TLL1: variants seen among roughly 807,000 people sequenced by gnomAD.
The protein encoded by TLL1 is tolloid-like protein 1.
A neutral mutation model predicts 128.2 loss-of-function variants in TLL1; 49 were observed. The observed-to-expected ratio is 0.38, with a 90% CI of 0.30 to 0.48. The LOEUF (loss-of-function observed/expected upper bound fraction) is 0.48. TLL1 is among the 20% of genes least tolerant of loss of function. The probability of loss-of-function intolerance (pLI) is 0.96; values close to 1 mark genes in which losing one functional copy is unlikely to be tolerated. For missense variants in TLL1, 1,123 were observed against 1,242.0 expected (o/e 0.90, Z 1.44); for synonymous variants, 454 against 418.8 (o/e 1.08, Z -1.03).
intron 10 of TLL1, among the ~76,000 whole-genome samples, chr4:166,039,820 T>G (rs1424722781): frequency 6.6e-6 from 1 of 152,204 alleles, no homozygotes; most frequent in Non-Finnish European, 1.5e-5. Context: ...TTGTGTGTTT[T>G]GTTTTTGTTT....
intron 12 of TLL1, among the ~76,000 whole-genome samples, chr4:166,052,564 G>A (rs919191662): frequency 3.3e-5 from 5 of 152,024 alleles, no homozygotes; most frequent in African/African-American, 1.2e-4. Flanking sequence ...CAAAGTCCTG[G>A]GATTACAGGT....
intron 1 of TLL1, among the ~76,000 whole-genome samples, chr4:165,899,585 G>A (rs978448928): frequency 6.6e-6 from 1 of 152,174 alleles, no homozygotes; most frequent in Non-Finnish European, 1.5e-5. Context: ...TGGTCTGAGA[G>A]ACCATTTGTT....
intron 7 of TLL1, among the ~76,000 whole-genome samples, chr4:166,012,459 CT>C (rs1737739445): frequency 1.3e-5 from 2 of 151,398 alleles, no homozygotes; most frequent in Admixed American, 6.6e-5. Context: ...TGTCATTGAC[CT>C]TTTCAAATTG....
chr4:165,994,075 G>A (rs950329300), intron 3 of TLL1, among the ~76,000 whole-genome samples: 5 of 152,118 alleles, frequency 3.3e-5, no homozygotes, highest in African/African-American at 1.2e-4. Flanking sequence ...ACATGAAACA[G>A]AAAACAAATT....
intron 12 of TLL1, among the ~76,000 whole-genome samples, chr4:166,045,221 C>T (rs913156532): frequency 6.6e-6 from 1 of 152,154 alleles, no homozygotes; most frequent in African/African-American, 2.4e-5. Context: ...CTGCCTCCCT[C>T]ATTTATATGT....
intron 3 of TLL1, among the ~76,000 whole-genome samples, chr4:165,993,443 C>A (rs1272616934): frequency 6.6e-6 from 1 of 151,822 alleles, no homozygotes; most frequent in Non-Finnish European, 1.5e-5. Flanking sequence ...TGTTTAAAAT[C>A]CTGTATGCAT....
chr4:166,021,432 C>CTTT (rs113942126), intron 8 of TLL1, among the ~76,000 whole-genome samples: 27 of 120,436 alleles, frequency 2.2e-4, no homozygotes, highest in African/African-American at 5.2e-4. Flanking sequence ...TTATTTTTGC[C>CTTT]TTTTTTTTTT....
chr4:166,039,433 C>G lies in TLL1; in HGVS notation c.1253C>G (p.Pro418Arg), dbSNP rs1231465467. The G allele has an allele frequency of 6.2e-7, 1 of 1,610,248 alleles. No homozygotes were observed. Among genetic ancestry groups the G allele is most frequent in the South Asian group, 1.1e-5 (1 of 91,004 alleles). The change falls in exon 10 of 21, where the codon CCT (proline) becomes CGT (arginine). Residue 418 changes from proline to arginine, a missense_variant. By Grantham distance (103) the Pro-to-Arg change is moderately radical. This residue lies in a region of TLL1 where 480 missense variants were observed against 542.4 expected (regional missense o/e 0.89). Transcript: ENST00000061240. ...AGAGACGGGTACTGGAGAAAATCACCTCTCCTTGGTAAGATATCCTTTCCC... is the reference window on the plus strand; with the variant it reads ...AGAGACGGGTACTGGAGAAAATCACGTCTCCTTGGTAAGATATCCTTTCCC... ...EVRDGYWRKS[P>R]LLGRFCGDKL...
intron 2 of TLL1, among the ~76,000 whole-genome samples, chr4:165,990,698 T>A (rs34205757): frequency 6.6e-6 from 1 of 151,686 alleles, no homozygotes; most frequent in Admixed American, 6.6e-5. Flanking sequence ...GCATGTACTT[T>A]GTAAGAATAA....
chr4:165,934,884 AAATATT>A (rs1194607646), intron 1 of TLL1, among the ~76,000 whole-genome samples: 1 of 152,204 alleles, frequency 6.6e-6, no homozygotes, highest in Non-Finnish European at 1.5e-5. Flanking sequence ...ATTGGAGTAA[AAATATT>A]AAGATTAATT....
intron 12 of TLL1, among the ~76,000 whole-genome samples, chr4:166,046,162 G>C (rs534157994): frequency 1.3e-5 from 2 of 152,292 alleles, no homozygotes; most frequent in African/African-American, 4.8e-5. Context: ...TAATAGATGA[G>C]AAAAATGGAT....
chr4:166,055,200 A>G lies in TLL1; in HGVS notation c.1649A>G (p.Asn550Ser), dbSNP rs763186518. 9.3e-6 allele frequency: 15 copies of G among 1,613,620 alleles called. No homozygotes were observed. The highest frequency in any genetic ancestry group is 1.1e-5 in the South Asian group (1 of 91,082). Residue 550 changes from asparagine to serine, a missense_variant, in exon 13 of 21, where the codon AAT becomes AGT. By Grantham distance (46) the Asn-to-Ser change is conservative. Around this residue, in one of 3 missense-constraint regions of TLL1, gnomAD observed 634 missense variants for 672.4 expected, o/e 0.94. Transcript: ENST00000061240. ...DKPEDIRSTSNTLWMKFVSDG... is the reference protein window; with the variant it reads ...DKPEDIRSTSSTLWMKFVSDG... ...CCTGAAGACATAAGATCTACCTCCAATACTTTGTGGATGAAGTTTGTTTCT... is the reference window on the plus strand; with the variant it reads ...CCTGAAGACATAAGATCTACCTCCAGTACTTTGTGGATGAAGTTTGTTTCT...
At chr4:165,899,763 G>A (rs571081444) in intron 1 of TLL1, among the ~76,000 whole-genome samples, 16 of 152,226 alleles carry the variant, frequency 1.1e-4, no homozygotes, top group East Asian at 1.9e-4. Context: ...CTGAGTTAAA[G>A]TCCTGAATAT....
At chr4:166,007,910 G>A (rs759490346) in intron 6 of TLL1, 33 bp from the exon 7 acceptor site, 2 of 1,412,158 alleles carry the variant, frequency 1.4e-6, no homozygotes, top group Non-Finnish European at 2.0e-6. Flanking sequence ...CAGTTAAAAG[G>A]CTTCTGAGAT....
At chr4:166,069,022 T>C (rs527594889) in intron 16 of TLL1, among the ~76,000 whole-genome samples, 1 of 151,842 alleles carries the variant, frequency 6.6e-6, no homozygotes, top group African/African-American at 2.4e-5. Flanking sequence ...TTCTTCTCAG[T>C]TTTCTTTTAA....
At chr4:166,021,513 A>G (rs1245028536) in intron 8 of TLL1, among the ~76,000 whole-genome samples, 1 of 148,658 alleles carries the variant, frequency 6.7e-6, no homozygotes, top group Non-Finnish European at 1.5e-5. Flanking sequence ...GCTCACTGCA[A>G]CCTCCGCCTC....
intron 16 of TLL1, among the ~76,000 whole-genome samples, chr4:166,074,329 G>T (rs1044988534): frequency 4.7e-5 from 7 of 149,672 alleles, no homozygotes; most frequent in Admixed American, 4.0e-4. Context: ...ATTCATTAAT[G>T]CTAAGCATAA....
intron 7 of TLL1, among the ~76,000 whole-genome samples, chr4:166,011,032 C>A (rs1737670126): frequency 6.6e-6 from 1 of 151,104 alleles, no homozygotes; most frequent in Admixed American, 6.6e-5. Context: ...CAATACTGCA[C>A]TGTTTTGATT....
rs918541825 is a variant in TLL1 at position 165,873,536 on chromosome 4, C to A, written c.-369C>A. ...GCAGCTGAGCCCGCGGGGCGCCGCTCGCCGAGCCGCGGCCGCGGGAAGTTC... is the reference window on the plus strand; with the variant it reads ...GCAGCTGAGCCCGCGGGGCGCCGCTAGCCGAGCCGCGGCCGCGGGAAGTTC... On this transcript the variant is annotated 5_prime_UTR_variant, in exon 1 of 21. Coordinates refer to ENST00000061240, the MANE Select transcript of TLL1 (RefSeq NM_012464.5). 1.2e-5 allele frequency: 2 copies of A among 160,172 alleles called. No homozygotes were observed. The highest frequency in any genetic ancestry group is 2.4e-5 in the African/African-American group (1 of 41,704). 9.9% of individuals were successfully genotyped at this position (160,172 alleles called of 1,614,324 possible). A position where few individuals can be genotyped will look rare whatever the true frequency, so the allele number is the denominator to read the frequency against.
Sources: gnomAD v4.1 joint callset for allele counts (sites outside exome capture counted in the v4.1 genomes callset) on GRCh38, gnomAD v4.1.1 for gene constraint, gnomAD v4.1.1 regional missense constraint, MANE v1.5 for transcripts, NCBI Gene and HGNC (gene_info 2026-07-23, HGNC 2026-07-21) for gene names.